The following LPGAT1 variants were observed in gnomAD, a reference collection of about 807,000 sequenced individuals.
The protein encoded by LPGAT1 is acyl-CoA:lysophosphatidylglycerol acyltransferase 1.
In LPGAT1, 11 loss-of-function variants were observed where a neutral mutation model predicts 47.5. That is an observed-to-expected ratio of 0.23 (90% CI 0.15 to 0.38). The LOEUF is 0.38. LPGAT1 is among the 10% of genes least tolerant of loss of function. LPGAT1 has a pLI of 1.00. For synonymous variants in LPGAT1, 138 were observed against 144.2 expected, an observed-to-expected ratio of 0.96 and a Z score of 0.31; for missense variants, 293 against 439.0, an observed-to-expected ratio of 0.67 and a Z score of 2.97.
At chr1:211,799,994 A>C (rs1659507055) in intron 2 of LPGAT1, among the ~76,000 whole-genome samples, 1 of 149,562 alleles carries the variant, frequency 6.7e-6, no homozygotes, top group South Asian at 2.1e-4. Context: ...TTCAAAATAC[A>C]TTCAGATCCT....
At chr1:211,761,291 C>T (rs561413522) in intron 6 of LPGAT1, among the ~76,000 whole-genome samples, 1 of 152,258 alleles carries the variant, frequency 6.6e-6, no homozygotes, top group South Asian at 2.1e-4. Context: ...AGTCTTGGCA[C>T]CCTTCTCATT....
At chr1:211,822,824 T>G (rs1031179697) in intron 2 of LPGAT1, among the ~76,000 whole-genome samples, 11 of 151,500 alleles carry the variant, frequency 7.3e-5, no homozygotes, top group Admixed American at 7.2e-4. Context: ...ATGCAGTAAC[T>G]CCTCACTCTG....
At chr1:211,750,908 G>C in intron 7 of LPGAT1, 53 bp downstream of exon 7, 1 of 1,285,888 alleles carries the variant, frequency 7.8e-7, no homozygotes, top group African/African-American at 1.5e-5. Flanking sequence ...CTTTAAAAGA[G>C]GCTTTCATTA....
intron 2 of LPGAT1, among the ~76,000 whole-genome samples, chr1:211,824,359 GTACT>G (rs1660466205): frequency 6.6e-6 from 1 of 152,152 alleles, no homozygotes; most frequent in African/African-American, 2.4e-5. Context: ...CTGTGCCACT[GTACT>G]CCAGGCTGGG....
intron 2 of LPGAT1, among the ~76,000 whole-genome samples, chr1:211,809,370 T>G (rs1234879456): frequency 6.6e-6 from 1 of 152,220 alleles, no homozygotes; most frequent in Non-Finnish European, 1.5e-5. Context: ...CTTTCATTTA[T>G]GTATAAGTTG....
intron 1 of LPGAT1, chr1:211,829,655 C>CA (rs1466022516): frequency 1.8e-6 from 2 of 1,081,480 alleles, no homozygotes; most frequent in African/African-American, 1.7e-5. Context: ...AAAATAGATC[C>CA]ACTCGCTTCA....
chr1:211,819,771 G>A (rs951643939), intron 2 of LPGAT1, among the ~76,000 whole-genome samples: 1 of 152,098 alleles, frequency 6.6e-6, no homozygotes, highest in Admixed American at 6.5e-5. Flanking sequence ...GATCACCTGG[G>A]GTCAGAAGTT....
intron 2 of LPGAT1, among the ~76,000 whole-genome samples, chr1:211,820,539 C>CA (rs11371645): frequency 0.45 from 55,493 of 124,310 alleles, 11,754 homozygotes; most frequent in Non-Finnish European, 0.54. Flanking sequence ...TAGAACTAAA[C>CA]AAAAAAAAAA....
chr1:211,803,382 A>G (rs1394023463), intron 2 of LPGAT1, among the ~76,000 whole-genome samples: 1 of 152,232 alleles, frequency 6.6e-6, no homozygotes, highest in Non-Finnish European at 1.5e-5. Flanking sequence ...GAAGATAATC[A>G]GGATGTCGGC....
intron 5 of LPGAT1, 106 bp from the exon 6 acceptor site, chr1:211,779,150 G>A (rs1199684197): frequency 2.4e-6 from 2 of 830,168 alleles, no homozygotes; most frequent in East Asian, 3.0e-5. Context: ...TATACCTTTT[G>A]CATTAAGAAA....
intron 6 of LPGAT1, among the ~76,000 whole-genome samples, chr1:211,752,928 CTA>C (rs146389105): frequency 0.026 from 3,883 of 151,990 alleles, 153 homozygotes; most frequent in African/African-American, 0.087. Flanking sequence ...CTACTCAATT[CTA>C]TCTTTGTAGT....
In LPGAT1 at chr1:211,794,504, C is replaced by T. The variant is rs1001962873; in HGVS notation, c.239-1314G>A. On this transcript the variant is annotated intron_variant, in intron 2 of 7. Transcript: ENST00000366997. ...TTTTTTTTGTAGACACAGGGTTTTG[C>T]CATGTTGCCCAGGCTGATCTCAAAC... 2.0e-5 allele frequency among the ~76,000 whole-genome samples: 3 copies of T among 152,040 alleles called. No individual in the cohort carries two copies. In the East Asian group the frequency reaches 5.8e-4, roughly 29 times the overall value.
chr1:211,783,817 A>C (rs1658736420), intron 4 of LPGAT1, among the ~76,000 whole-genome samples: 1 of 152,226 alleles, frequency 6.6e-6, no homozygotes, highest in African/African-American at 2.4e-5. Flanking sequence ...CCTAGGCACT[A>C]GACATAGAGG....
At chr1:211,760,385 G>A (rs1657645360) in intron 6 of LPGAT1, among the ~76,000 whole-genome samples, 1 of 152,214 alleles carries the variant, frequency 6.6e-6, no homozygotes, top group South Asian at 2.1e-4. Flanking sequence ...AACCTGGGAG[G>A]CAGAGGTTGC....
intron 6 of LPGAT1, among the ~76,000 whole-genome samples, chr1:211,777,658 A>G (rs973912419): frequency 6.6e-6 from 1 of 152,260 alleles, no homozygotes; most frequent in Admixed American, 6.5e-5. Context: ...AGTGTAAGTC[A>G]TAGCAAAATT....
chr1:211,797,311 C>CTTTTTTTT (rs200601647), intron 2 of LPGAT1, among the ~76,000 whole-genome samples: 1 of 122,634 alleles, frequency 8.2e-6, no homozygotes, highest in Non-Finnish European at 1.7e-5. Flanking sequence ...CTTTCCTTTT[C>CTTTTTTTT]TTTTTTTTTT....
chr1:211,751,506 G>C (rs1045785907), intron 6 of LPGAT1, among the ~76,000 whole-genome samples: 6 of 152,134 alleles, frequency 3.9e-5, no homozygotes, highest in African/African-American at 1.4e-4. Context: ...GAGAAGCACA[G>C]AGACTCTGCC....
intron 2 of LPGAT1, among the ~76,000 whole-genome samples, chr1:211,797,137 T>C (rs1198779443): frequency 1.3e-5 from 2 of 152,066 alleles, no homozygotes; most frequent in East Asian, 3.9e-4. Context: ...ATGTCCGCAA[T>C]CCCAGCTACT....
intron 2 of LPGAT1, among the ~76,000 whole-genome samples, chr1:211,818,716 C>T (rs1660264453): frequency 6.6e-6 from 1 of 152,142 alleles, no homozygotes; most frequent in Non-Finnish European, 1.5e-5. Context: ...GCAGACCAGA[C>T]CCTAGAGCTT....
Sources: allele counts gnomAD v4.1 joint callset (sites outside exome capture counted in the v4.1 genomes callset), GRCh38; gene constraint gnomAD v4.1.1; transcripts MANE v1.5; gene names NCBI Gene and HGNC (gene_info 2026-07-23, HGNC 2026-07-21).